Variants in UNC5A observed in about 807,000 individuals in gnomAD.
The protein encoded by UNC5A is unc-5 netrin receptor A, also known as netrin receptor UNC5A.
In UNC5A, 20 loss-of-function variants were observed where a neutral mutation model predicts 87.4. That is an observed-to-expected ratio of 0.23 (90% confidence interval 0.16 to 0.33). The LOEUF (loss-of-function observed/expected upper bound fraction) is 0.33, where lower values mean the gene tolerates loss of function less well. Ranked by LOEUF, UNC5A falls within the 10% of genes least tolerant of loss-of-function variation. The pLI is 1.00. For missense variants in UNC5A, 844 were observed against 1,133.4 expected, an observed-to-expected ratio of 0.74 and a Z score of 3.67; for synonymous variants, 438 against 482.3, an observed-to-expected ratio of 0.91 and a Z score of 1.20.
chr5:176,844,275 C>CCACCGGG lies in UNC5A; in HGVS notation c.71-18348_71-18342dup, dbSNP rs1757348738. On this transcript the variant is annotated intron_variant, in intron 1 of 14. Coordinates refer to ENST00000329542, the MANE Select transcript of UNC5A (RefSeq NM_133369.3). This position sits in a 1 kb window ranked among gnomAD's most constrained non-coding sequence, Gnocchi z 4.2. ...ACACTTGGTCCTGGTATCCCGTGGG[C>CCACCGGG]CACCGGGGTTCTCTTGGTGGGTGTG... Among the ~76,000 whole-genome samples the CCACCGGG allele has an allele frequency of 6.6e-6, 1 of 152,124 alleles. No individual in the cohort carries two copies. The highest frequency in any genetic ancestry group is 2.4e-5 in the African/African-American group (1 of 41,432).
intron 1 of UNC5A, among the ~76,000 whole-genome samples, chr5:176,816,192 A>G (rs983867649): frequency 6.6e-6 from 1 of 152,172 alleles, no homozygotes; most frequent in Non-Finnish European, 1.5e-5. Context: ...AACTGCTCAC[A>G]CCTGCCCAGC....
intron 13 of UNC5A, 141 bp from the exon 14 acceptor site, chr5:176,879,169 C>T (rs1758345759): frequency 9.5e-7 from 1 of 1,048,494 alleles, no homozygotes; most frequent in African/African-American, 1.6e-5. Flanking sequence ...GGCCTTGGCA[C>T]ATGGGAGGTG....
At chr5:176,840,319 G>A (rs1365429741) in intron 1 of UNC5A, among the ~76,000 whole-genome samples, 2 of 152,286 alleles carry the variant, frequency 1.3e-5, no homozygotes, top group East Asian at 3.9e-4. Context: ...GGAACTCCGA[G>A]GCATGGGGGC....
In UNC5A at chr5:176,879,485, A is replaced by T. The variant is rs779737446; in HGVS notation, c.2360A>T (p.Asp787Val). ...WRTLAQKLHL[D>V]SHLSFFASKP... ...ACTCTGGCCCAGAAACTCCACCTGGACAGGTGGGCGGGAGAGGGGCAGAGA... is the reference window on the plus strand; with the variant it reads ...ACTCTGGCCCAGAAACTCCACCTGGTCAGGTGGGCGGGAGAGGGGCAGAGA... Residue 787 changes from aspartate (D) to valine (V), a missense_variant, in exon 14 of 15, where the codon GAC becomes GTC. This residue lies in a region of UNC5A where 177 missense variants were observed against 279.4 expected (regional missense o/e 0.63). Coordinates refer to ENST00000329542, the MANE Select transcript of UNC5A (RefSeq NM_133369.3). 6.2e-6 allele frequency: 10 copies of T among 1,605,698 alleles called. No homozygotes were observed. The Admixed American group carries it at 1.7e-4, about 27-fold the overall frequency.
At chr5:176,837,693 A>G (rs200318296) in intron 1 of UNC5A, among the ~76,000 whole-genome samples, 1 of 152,162 alleles carries the variant, frequency 6.6e-6, no homozygotes, top group Non-Finnish European at 1.5e-5. Context: ...GCCCTTTCCA[A>G]GCTGCCATGG....
chr5:176,855,257 C>T (rs929069354), intron 1 of UNC5A, among the ~76,000 whole-genome samples: 12 of 152,254 alleles, frequency 7.9e-5, no homozygotes, highest in African/African-American at 2.9e-4. Flanking sequence ...CTGGCCCTTC[C>T]CTGTGAGGGC....
intron 1 of UNC5A, among the ~76,000 whole-genome samples, chr5:176,827,431 C>T (rs751537755): frequency 1.1e-4 from 16 of 151,718 alleles, no homozygotes; most frequent in Non-Finnish European, 1.9e-4. Flanking sequence ...AATCCACCCA[C>T]CTCGGCCTCC....
chr5:176,860,405 G>C (rs191506970), intron 1 of UNC5A, among the ~76,000 whole-genome samples: 1 of 152,132 alleles, frequency 6.6e-6, no homozygotes, highest in Non-Finnish European at 1.5e-5. Context: ...AGCCTCCCAA[G>C]ACCACCTCCT....
At chr5:176,876,941 A>G (rs1010264868) in intron 8 of UNC5A, among the ~76,000 whole-genome samples, 13 of 152,132 alleles carry the variant, frequency 8.5e-5, no homozygotes, top group South Asian at 6.2e-4. Context: ...TCTGTCCCCA[A>G]GTTTTCTGTG....
rs1758024206 is a variant in UNC5A, at chr5:176,868,330, G to A, written c.436+57G>A. 3.1e-6 allele frequency: 5 copies of A among 1,604,602 alleles called. No homozygotes were observed. The East Asian group carries it at 1.1e-4, about 36-fold the overall frequency. The stretch of plus-strand genomic sequence containing the variant: ...GCACGGCGGGAGGGTGTCACCAGGA[G>A]AGGGGACAGTAGGCTTCCTGGAAGA... On this transcript the variant is annotated intron_variant, in intron 3 of 14. Coordinates refer to ENST00000329542, the MANE Select transcript of UNC5A (RefSeq NM_133369.3).
At chr5:176,812,872 G>A (rs1046612131) in intron 1 of UNC5A, among the ~76,000 whole-genome samples, 2 of 152,158 alleles carry the variant, frequency 1.3e-5, no homozygotes, top group African/African-American at 4.8e-5. Flanking sequence ...CTGGGCACAT[G>A]TGGACGCCCA....
intron 1 of UNC5A, among the ~76,000 whole-genome samples, chr5:176,851,030 G>A (rs1025052872): frequency 6.6e-6 from 1 of 152,208 alleles, no homozygotes; most frequent in African/African-American, 2.4e-5. Context: ...TGGGGGCATG[G>A]ACGTGGGTCC....
rs761286091 is a variant in UNC5A, at chr5:176,868,121, C to T, written c.293-9C>T. Reference sequence around the variant, plus strand: ...TGGGGCTCTGACTACCTGCCCCTCCCGCCCCCAGGGCTGCCCACCATGGAG... The same window carrying T: ...TGGGGCTCTGACTACCTGCCCCTCCTGCCCCCAGGGCTGCCCACCATGGAG... On this transcript the variant is annotated splice_polypyrimidine_tract_variant and intron_variant, in intron 2 of 14. Transcript: ENST00000329542. 61 of 1,610,016 alleles carry T rather than the reference C, an allele frequency of 3.8e-5. No individual in the cohort carries two copies. The highest frequency in any genetic ancestry group is 6.7e-5 in the East Asian group (3 of 44,774).
chr5:176,844,201 G>A lies in UNC5A; in HGVS notation c.71-18423G>A, dbSNP rs1290680890. 1.1e-4 allele frequency among the ~76,000 whole-genome samples: 17 copies of A among 152,198 alleles called. No individual in the cohort carries two copies. Among genetic ancestry groups the A allele is most frequent in the African/African-American group, 3.1e-4 (13 of 41,436 alleles). On this transcript the variant is annotated intron_variant, in intron 1 of 14. Transcript: ENST00000329542. The surrounding 1 kb of genome is among the most constrained non-coding windows in gnomAD (Gnocchi z 4.2). ...GCTGATTGTAGCGTCTCAGGGGACA[G>A]ATCAGAGGCCCCAGGCCTTGCCTGA...
intron 1 of UNC5A, among the ~76,000 whole-genome samples, chr5:176,855,592 T>C (rs1052286315): frequency 2.0e-5 from 3 of 152,138 alleles, no homozygotes; most frequent in Non-Finnish European, 4.4e-5. Flanking sequence ...CCCCTGAGAA[T>C]TGCACGTGGC....
chr5:176,868,506 AG>A (rs1156797800), intron 3 of UNC5A, 54 bp from the exon 4 acceptor site: 8 of 1,537,462 alleles, frequency 5.2e-6, no homozygotes, highest in Admixed American at 3.9e-5. Flanking sequence ...ACAGCCAGCC[AG>A]GCTGAGCCTG....
At chr5:176,851,657 C>G (rs117600422) in intron 1 of UNC5A, among the ~76,000 whole-genome samples, 249 of 152,328 alleles carry the variant, frequency 1.6e-3, no homozygotes, top group African/African-American at 5.2e-3. Context: ...CTGTGCACCC[C>G]CCTCGGGTGG....
chr5:176,834,107 G>A (rs1213360028), intron 1 of UNC5A, among the ~76,000 whole-genome samples: 1 of 152,222 alleles, frequency 6.6e-6, no homozygotes, highest in African/African-American at 2.4e-5. Context: ...CTGGGGAGGT[G>A]GAGCACCGCG....
chr5:176,842,916 C>T (rs1291893384), intron 1 of UNC5A, among the ~76,000 whole-genome samples: 1 of 151,886 alleles, frequency 6.6e-6, no homozygotes, highest in Non-Finnish European at 1.5e-5. Context: ...AATCCCAACA[C>T]TTTGGGAGGC....
Sources: gnomAD v4.1 joint callset for allele counts (sites outside exome capture counted in the v4.1 genomes callset) on GRCh38, gnomAD v4.1.1 for gene constraint, gnomAD v4.1.1 regional missense constraint, Gnocchi (gnomAD v3.1) non-coding constraint, MANE v1.5 for transcripts, NCBI Gene and HGNC (gene_info 2026-07-23, HGNC 2026-07-21) for gene names.